The following UBE2L5 variants were observed in gnomAD, a reference collection of about 807,000 sequenced individuals.
UBE2L5 encodes the protein ubiquitin conjugating enzyme E2 L5.
In UBE2L5, 3 loss-of-function variants were observed where a neutral mutation model predicts 10.0. That is an observed-to-expected ratio of 0.30 (90% CI 0.14 to 0.78). The LOEUF is 0.78. Ranked by LOEUF, UBE2L5 falls within the 30% of genes least tolerant of loss-of-function variation. The pLI is 0.65. For synonymous variants in UBE2L5, 60 were observed against 71.9 expected (o/e 0.83, Z 0.83); for missense variants, 131 against 193.3 (o/e 0.68, Z 1.91).
Position 30,428,653 on chromosome 13 carries a change from T to G in UBE2L5, c.*198T>G. ...TAAAGAAAGGATTAAAAATTTAAGATGTTCTTAAAAAAAAAAAAAGTGGCC... is the reference window on the plus strand; with the variant it reads ...TAAAGAAAGGATTAAAAATTTAAGAGGTTCTTAAAAAAAAAAAAAGTGGCC... On this transcript the variant is annotated 3_prime_UTR_variant, in exon 4 of 4. Coordinates refer to ENST00000635918, the MANE Select transcript of UBE2L5 (RefSeq NM_001355247.2). 5.3e-6 allele frequency: 3 copies of G among 562,544 alleles called. No individual in the cohort carries two copies. Among genetic ancestry groups the G allele is most frequent in the East Asian group, 3.3e-5 (1 of 29,936 alleles). 34.8% of individuals were successfully genotyped at this position (562,544 alleles called of 1,614,324 possible). A position where few individuals can be genotyped will look rare whatever the true frequency, so the allele number is the denominator to read the frequency against.
Position 30,428,279 on chromosome 13 carries a change from C to T in UBE2L5, c.289C>T (p.Pro97Ser). Residue 97 changes from proline to serine, a missense_variant, in exon 4 of 4, where the codon CCA becomes TCA. Transcript: ENST00000635918. ...AGTAATTAGTGCTGAAAACTGGAAG[C>T]CAGCAACCAAAACCGACCAAGTAAT... The part of the protein sequence containing the change: ...LPVISAENWK[P>S]ATKTDQVIQS... 2 of 1,607,528 alleles carry T rather than the reference C, an allele frequency of 1.2e-6. No homozygotes were observed. Among genetic ancestry groups the T allele is most frequent in the Admixed American group, 1.7e-5 (1 of 58,814 alleles).
intron 3 of UBE2L5, 102 bp downstream of exon 3, chr13:30,426,880 A>G (rs1427094074): frequency 6.6e-6 from 1 of 152,190 alleles, no homozygotes; most frequent in African/African-American, 2.4e-5. Context: ...TTGTTGTTCT[A>G]ATACTGCTTT....
At position 30,429,618 on chromosome 13, in the gene UBE2L5, T is replaced by C. The variant is rs1328165228; in HGVS notation, c.*1163T>C. ...CCTGCTTTAGTAATTGGTGATAAGA[T>C]TTGTCCTGTAGAACATATACATAGA... On this transcript the variant is annotated 3_prime_UTR_variant, in exon 4 of 4. Coordinates refer to ENST00000635918, the MANE Select transcript of UBE2L5 (RefSeq NM_001355247.2). Among the ~76,000 whole-genome samples the C allele has an allele frequency of 6.6e-6, 1 of 152,222 alleles. No individual in the cohort carries two copies. Among genetic ancestry groups the C allele is most frequent in the Non-Finnish European group, 1.5e-5 (1 of 68,034 alleles).
intron 3 of UBE2L5, chr13:30,427,002 A>G (rs1424478303): frequency 6.6e-6 from 1 of 152,246 alleles, no homozygotes; most frequent in Admixed American, 6.5e-5. Context: ...ATTGTAAAAG[A>G]TAATCTTACC....
In UBE2L5 at chr13:30,427,664, C is replaced by A; in HGVS notation, c.-327C>A. 1 of 328,204 alleles carries A rather than the reference C, an allele frequency of 3.0e-6. No individual in the cohort carries two copies. Among genetic ancestry groups the A allele is most frequent in the Non-Finnish European group, 5.5e-6 (1 of 181,228 alleles). The allele number at this position is 328,204 out of a possible 1,614,324, so 20.3% of individuals were successfully genotyped here. On this transcript the variant is annotated 5_prime_UTR_variant, in exon 4 of 4. Coordinates refer to ENST00000635918, the MANE Select transcript of UBE2L5 (RefSeq NM_001355247.2). Reference sequence around the variant, plus strand: ...AAAATACAAAAAAAAGTTAGCTGTGCATGGTGGCACGTGCCTGTAATCACA... The same window carrying A: ...AAAATACAAAAAAAAGTTAGCTGTGAATGGTGGCACGTGCCTGTAATCACA...
chr13:30,428,097 A>G lies in UBE2L5; in HGVS notation c.107A>G (p.Gln36Arg). Residue 36 changes from glutamine to arginine, a missense_variant, in exon 4 of 4, where the codon CAA becomes CGA. Coordinates refer to ENST00000635918, the MANE Select transcript of UBE2L5 (RefSeq NM_001355247.2). ...QVDEANLLTW[Q>R]GLIVPDNPPY... Reference sequence around the variant, plus strand: ...GATGAAGCTAATTTATTGACTTGGCAAGGGCTTATTGTTCCTGACAACCCT... The same window carrying G: ...GATGAAGCTAATTTATTGACTTGGCGAGGGCTTATTGTTCCTGACAACCCT... 1 of 1,611,052 alleles carries G rather than the reference A, an allele frequency of 6.2e-7. No homozygotes were observed. The highest frequency in any genetic ancestry group is 1.1e-5 in the South Asian group (1 of 91,010).
At chr13:30,423,233 ATACAAT>A (rs1885490989) in intron 1 of UBE2L5, among the ~76,000 whole-genome samples, 1 of 152,242 alleles carries the variant, frequency 6.6e-6, no homozygotes, top group African/African-American at 2.4e-5. Context: ...AAATCTCCAA[ATACAAT>A]TACAATAAAG....
Position 30,429,256 on chromosome 13 carries a change from G to A in UBE2L5, c.*801G>A, listed in dbSNP as rs918765511. Among the ~76,000 whole-genome samples the A allele has an allele frequency of 1.3e-5, 2 of 151,886 alleles. No homozygotes were observed. The highest frequency in any genetic ancestry group is 1.3e-4 in the Admixed American group (2 of 15,240). ...GCCCAGATTGCGCCATTGCACTCCA[G>A]CCTGGGCAACAAGAGCAAAACTCTG... On this transcript the variant is annotated 3_prime_UTR_variant, in exon 4 of 4. Transcript: ENST00000635918.
Position 30,428,250 on chromosome 13 carries a change from T to C in UBE2L5, c.260T>C (p.Leu87Pro), listed in dbSNP as rs1885569025. The C allele has an allele frequency of 6.2e-7, 1 of 1,608,970 alleles. No homozygotes were observed. Among genetic ancestry groups the C allele is most frequent in the Non-Finnish European group, 8.5e-7 (1 of 1,176,462 alleles). Residue 87 changes from leucine (L) to proline (P), a missense_variant, in exon 4 of 4, where the codon CTG (leucine) becomes CCG (proline). Physicochemically the swap from Leu to Pro is moderately conservative, Grantham distance 98. Coordinates refer to ENST00000635918, the MANE Select transcript of UBE2L5 (RefSeq NM_001355247.2). ...ATCGACGAAAAGGGGCAGGTCTGTC[T>C]GCCAGTAATTAGTGCTGAAAACTGG... Reference protein sequence around the residue: ...PNIDEKGQVCLPVISAENWKP... With the variant: ...PNIDEKGQVCPPVISAENWKP...
chr13:30,429,029 G>A lies in UBE2L5; in HGVS notation c.*574G>A, dbSNP rs976778269. On this transcript the variant is annotated 3_prime_UTR_variant, in exon 4 of 4. Coordinates refer to ENST00000635918, the MANE Select transcript of UBE2L5 (RefSeq NM_001355247.2). The stretch of plus-strand genomic sequence containing the variant: ...CTCACACCTGTAATGCTATCACTTT[G>A]GGAAGCTGAGGTGGGTGGATCACCT... Among the ~76,000 whole-genome samples the A allele has an allele frequency of 1.3e-5, 2 of 152,022 alleles. No individual in the cohort carries two copies. The highest frequency in any genetic ancestry group is 2.9e-5 in the Non-Finnish European group (2 of 68,010).
chr13:30,424,461 G>A (rs1023477148), intron 1 of UBE2L5, among the ~76,000 whole-genome samples: 1 of 152,166 alleles, frequency 6.6e-6, no homozygotes, highest in East Asian at 1.9e-4. Flanking sequence ...ACAACATGAT[G>A]TCCTAGTTTC....
Position 30,428,636 on chromosome 13 carries a change from G to A in UBE2L5, c.*181G>A. The A allele has an allele frequency of 6.7e-5, 39 of 583,846 alleles. No individual in the cohort carries two copies. The highest frequency in any genetic ancestry group is 4.8e-4 in the Middle Eastern group (1 of 2,080). 36.2% of individuals were successfully genotyped at this position (583,846 alleles called of 1,614,324 possible). ...GTGGTCTAGGTAACCTGTAAAGAAA[G>A]GATTAAAAATTTAAGATGTTCTTAA... On this transcript the variant is annotated 3_prime_UTR_variant, in exon 4 of 4. Transcript: ENST00000635918.
rs891911805 is a variant in UBE2L5, at chr13:30,428,074, T to C, written c.84T>C (p.Asp28=). The C allele has an allele frequency of 1.2e-6, 2 of 1,611,072 alleles. No individual in the cohort carries two copies. The change falls in exon 4 of 4, where the codon GAT becomes GAC. Residue 28 remains aspartate, a synonymous_variant. Transcript: ENST00000635918. The part of the protein sequence containing the change: ...GMENFRNIQV[D]EANLLTWQGL... ...AAAACTTCCGTAACATCCAGGTTGA[T>C]GAAGCTAATTTATTGACTTGGCAAG...
At position 30,429,141 on chromosome 13, in the gene UBE2L5, C is replaced by T. The variant is rs2137360591; in HGVS notation, c.*686C>T. On this transcript the variant is annotated 3_prime_UTR_variant, in exon 4 of 4. Transcript: ENST00000635918. ...AAATAAATAAACAAATAAAAGTAGC[C>T]GGGCGTGGTGGCAGACTCCTGTAAT... 6.6e-6 allele frequency among the ~76,000 whole-genome samples: 1 copy of T among 152,022 alleles called. No homozygotes were observed. The highest frequency in any genetic ancestry group is 1.5e-5 in the Non-Finnish European group (1 of 67,984).
At chr13:30,426,010 A>T (rs1593238902) in intron 2 of UBE2L5, among the ~76,000 whole-genome samples, 1 of 149,328 alleles carries the variant, frequency 6.7e-6, no homozygotes, top group Admixed American at 6.7e-5. Context: ...ATGAAACTCC[A>T]TCTCAAAAAA....
intron 2 of UBE2L5, among the ~76,000 whole-genome samples, chr13:30,425,641 C>T (rs769690113): frequency 7.9e-5 from 12 of 152,246 alleles, no homozygotes; most frequent in Non-Finnish European, 1.3e-4. Context: ...ACCATAGTAC[C>T]GTTTAGGTGT....
Position 30,427,933 on chromosome 13 carries a change from C to A in UBE2L5, c.-58C>A. 1 of 1,075,292 alleles carries A rather than the reference C, an allele frequency of 9.3e-7. No individual in the cohort carries two copies. The highest frequency in any genetic ancestry group is 1.4e-6 in the Non-Finnish European group (1 of 701,824). The allele number at this position is 1,075,292 out of a possible 1,614,324, so 66.6% of individuals were successfully genotyped here. A position where few individuals can be genotyped will look rare whatever the true frequency, so the allele number is the denominator to read the frequency against. ...TTATTTGAGTGTATACATACACAACCATTAAAAGTGGCCGTTACCACGATG... is the reference window on the plus strand; with the variant it reads ...TTATTTGAGTGTATACATACACAACAATTAAAAGTGGCCGTTACCACGATG... On this transcript the variant is annotated 5_prime_UTR_variant, in exon 4 of 4. Coordinates refer to ENST00000635918, the MANE Select transcript of UBE2L5 (RefSeq NM_001355247.2).
chr13:30,423,979 G>A (rs1885503765), intron 1 of UBE2L5, among the ~76,000 whole-genome samples: 1 of 152,240 alleles, frequency 6.6e-6, no homozygotes, highest in South Asian at 2.1e-4. Flanking sequence ...CCATGGGCCT[G>A]AACTTGTCTT....
chr13:30,425,112 C>G (rs899345482), intron 2 of UBE2L5, among the ~76,000 whole-genome samples: 1 of 152,140 alleles, frequency 6.6e-6, no homozygotes, highest in African/African-American at 2.4e-5. Flanking sequence ...GATTTTGATT[C>G]AAGAGGTCCC....
Sources: allele counts gnomAD v4.1 joint callset (sites outside exome capture counted in the v4.1 genomes callset), GRCh38; gene constraint gnomAD v4.1.1; transcripts MANE v1.5; gene names NCBI Gene and HGNC (gene_info 2026-07-23, HGNC 2026-07-21).